Variants in ABCA8 observed in about 807,000 individuals in gnomAD.
ABCA8 encodes the protein ABC-type organic anion transporter ABCA8.
Under a neutral mutation model 192.3 loss-of-function variants are expected in ABCA8, and 177 were observed. The ratio of observed to expected loss-of-function variants is 0.92; its 90% CI spans 0.81 to 1.04. ABCA8 has a LOEUF of 1.04. ABCA8 is among the 50% of genes least tolerant of loss of function. The pLI is 0.00. For synonymous variants in ABCA8, 642 were observed against 690.2 expected (o/e 0.93, Z 1.09); for missense variants, 1,915 against 1,904.8 (o/e 1.01, Z -0.10).
chr17:68,913,659 G>A (rs926328942), intron 17 of ABCA8, among the ~76,000 whole-genome samples: 15 of 151,894 alleles, frequency 9.9e-5, no homozygotes, highest in Non-Finnish European at 1.9e-4. Context: ...TCCTAGACAC[G>A]TACAATCTAC....
chr17:68,955,229 A>G lies in ABCA8; in HGVS notation c.-177T>C, dbSNP rs2068682322. ...ATACAGTGAACTTACTTCTGGGAAAATGGAAGCAAGGAATCTAGAGGTATG... is the reference window on the plus strand; with the variant it reads ...ATACAGTGAACTTACTTCTGGGAAAGTGGAAGCAAGGAATCTAGAGGTATG... On this transcript the variant is annotated 5_prime_UTR_variant, in exon 1 of 40. Transcript: ENST00000586539. 6.6e-6 allele frequency: 1 copy of G among 152,218 alleles called. No homozygotes were observed. The highest frequency in any genetic ancestry group is 1.5e-5 in the Non-Finnish European group (1 of 68,036). The allele number at this position is 152,218 out of a possible 1,614,324, so 9.4% of individuals were successfully genotyped here.
rs556864769 is a variant in ABCA8 at position 68,872,758 on chromosome 17, T to A, written c.4631+2502A>T. Among the ~76,000 whole-genome samples, 7 of 152,118 alleles carry A rather than the reference T, an allele frequency of 4.6e-5. No homozygotes were observed. The East Asian group carries it at 1.4e-3, about 29-fold the overall frequency. On this transcript the variant is annotated intron_variant, in intron 37 of 39. Transcript: ENST00000586539. ...CTCTGTGTAGGCCTCAGCTAATGTG[T>A]GTGTGTTTGTGTCTCACTTTTTAAT...
Position 68,877,683 on chromosome 17 carries a change from CA to C in ABCA8, c.4039-5del, listed in dbSNP as rs2066242729. ...CACCGCTCCCTTTCAGTAGCACCTG[CA>C]GATGAAAGTTCCCTCTCAGAACCTA... On this transcript the variant is annotated splice_polypyrimidine_tract_variant and splice_region_variant and intron_variant, in intron 32 of 39. Transcript: ENST00000586539. 1 of 1,607,762 alleles carries C rather than the reference CA, an allele frequency of 6.2e-7. No homozygotes were observed. The highest frequency in any genetic ancestry group is 1.3e-5 in the African/African-American group (1 of 74,782).
chr17:68,877,960 T>TA (rs1336974253), intron 32 of ABCA8: 5 of 309,492 alleles, frequency 1.6e-5, no homozygotes, highest in Non-Finnish European at 2.3e-5. Flanking sequence ...CCATTTTTTT[T>TA]AAATCACTGT....
intron 5 of ABCA8, among the ~76,000 whole-genome samples, chr17:68,934,073 A>G (rs1001452110): frequency 6.6e-6 from 1 of 152,154 alleles, no homozygotes; most frequent in Non-Finnish European, 1.5e-5. Context: ...GCCACTACAT[A>G]TCTCTAAACT....
intron 11 of ABCA8, among the ~76,000 whole-genome samples, chr17:68,924,176 G>A (rs1267658280): frequency 2.0e-5 from 3 of 151,982 alleles, no homozygotes; most frequent in Non-Finnish European, 4.4e-5. Context: ...GAGAAACCCC[G>A]TCTCTATTCA....
intron 10 of ABCA8, 65 bp from the exon 11 acceptor site, chr17:68,924,934 A>G: frequency 6.5e-7 from 1 of 1,532,472 alleles, no homozygotes; most frequent in Non-Finnish European, 8.9e-7. Context: ...GAGTCACAGT[A>G]ATGTAGCACG....
At chr17:68,882,080 G>T in intron 30 of ABCA8, 100 bp from the exon 31 acceptor site, 2 of 969,960 alleles carry the variant, frequency 2.1e-6, no homozygotes, top group Non-Finnish European at 3.2e-6. Flanking sequence ...TGTTGCCCCA[G>T]CCATGCATCA....
intron 1 of ABCA8, among the ~76,000 whole-genome samples, chr17:68,951,578 T>G (rs184611270): frequency 1.3e-5 from 2 of 152,356 alleles, no homozygotes; most frequent in East Asian, 1.9e-4. Flanking sequence ...AAATTTCCAC[T>G]CTAATAATAG....
At position 68,911,022 on chromosome 17, in the gene ABCA8, T is replaced by G. The variant is rs1447088925; in HGVS notation, c.2139-3143A>C. The stretch of plus-strand genomic sequence containing the variant: ...TGACCTAGCACATTCCCAGCTGTGA[T>G]GGCTGTGGGGAGAGACTTTCTGCCT... On this transcript the variant is annotated intron_variant, in intron 17 of 39. Transcript: ENST00000586539. The surrounding 1 kb of genome is among the most constrained non-coding windows in gnomAD (Gnocchi z 5.7). Among the ~76,000 whole-genome samples, 1 of 152,098 alleles carries G rather than the reference T, an allele frequency of 6.6e-6. No individual in the cohort carries two copies. Among genetic ancestry groups the G allele is most frequent in the East Asian group, 1.9e-4 (1 of 5,168 alleles).
intron 2 of ABCA8, among the ~76,000 whole-genome samples, chr17:68,946,919 C>T (rs890134151): frequency 7.3e-5 from 11 of 150,210 alleles, no homozygotes; most frequent in African/African-American, 2.5e-4. Context: ...CCAGCCTGGG[C>T]GACAGAGTGA....
At chr17:68,927,794 C>A in intron 10 of ABCA8, 122 bp downstream of exon 10, 1 of 747,004 alleles carries the variant, frequency 1.3e-6, no homozygotes, top group Non-Finnish European at 2.0e-6. Context: ...GACTTTGTTC[C>A]TCTCTTTGCT....
At chr17:68,897,178 C>T (rs1338029422) in intron 21 of ABCA8, among the ~76,000 whole-genome samples, 1 of 152,112 alleles carries the variant, frequency 6.6e-6, no homozygotes, top group East Asian at 1.9e-4. Context: ...TGGTGCCTAA[C>T]AACTGAATGT....
At chr17:68,896,015 A>G (rs1045413460) in intron 21 of ABCA8, among the ~76,000 whole-genome samples, 3 of 152,182 alleles carry the variant, frequency 2.0e-5, no homozygotes, top group African/African-American at 7.2e-5. Context: ...GTTCCACACC[A>G]AGAGAATCAG....
At chr17:68,883,317 G>A (rs183210240) in intron 29 of ABCA8, among the ~76,000 whole-genome samples, 59 of 152,254 alleles carry the variant, frequency 3.9e-4, no homozygotes, top group African/African-American at 1.4e-3. Context: ...AGATGCTTAT[G>A]GTCACTCTTC....
chr17:68,877,383 T>C, intron 33 of ABCA8, 136 bp downstream of exon 33: 1 of 704,228 alleles, frequency 1.4e-6, no homozygotes, highest in Non-Finnish European at 2.2e-6. Context: ...GAAAGGAGTT[T>C]CTAGTTGTAA....
At chr17:68,912,673 G>A (rs1208288897) in intron 17 of ABCA8, among the ~76,000 whole-genome samples, 1 of 151,968 alleles carries the variant, frequency 6.6e-6, no homozygotes, top group African/African-American at 2.4e-5. Flanking sequence ...ATGATAAAAG[G>A]GTCAATTCAG....
chr17:68,895,073 G>A, intron 21 of ABCA8, 60 bp from the exon 22 acceptor site: 1 of 1,448,946 alleles, frequency 6.9e-7, no homozygotes, highest in Non-Finnish European at 9.2e-7. Flanking sequence ...GTCAAGTTGT[G>A]TAGTCAAATT....
chr17:68,889,176 A>G (rs1280585398), intron 24 of ABCA8, among the ~76,000 whole-genome samples: 3 of 152,228 alleles, frequency 2.0e-5, no homozygotes, highest in Non-Finnish European at 4.4e-5. Flanking sequence ...TTTGTGGGCA[A>G]CAGAGAGAGA....
Sources: allele counts gnomAD v4.1 joint callset (sites outside exome capture counted in the v4.1 genomes callset), GRCh38; gene constraint gnomAD v4.1.1; non-coding constraint Gnocchi (gnomAD v3.1); transcripts MANE v1.5; gene names NCBI Gene and HGNC (gene_info 2026-07-23, HGNC 2026-07-21).